CTNNAL1: variants seen among roughly 807,000 people sequenced by gnomAD.
The protein encoded by CTNNAL1 is catenin alpha like 1, also known as alpha-catulin.
Under a neutral mutation model 93.6 loss-of-function variants are expected in CTNNAL1, and 69 were observed. The observed-to-expected ratio is 0.74, with a 90% confidence interval of 0.61 to 0.90. CTNNAL1 has a LOEUF of 0.90. CTNNAL1 is among the 40% of genes least tolerant of loss of function. CTNNAL1 has a pLI of 0.00. For missense variants in CTNNAL1, 836 were observed against 862.0 expected, an observed-to-expected ratio of 0.97 and a Z score of 0.38; for synonymous variants, 286 against 305.4, an observed-to-expected ratio of 0.94 and a Z score of 0.66.
At chr9:108,944,856 C>T (rs1830354925) in intron 15 of CTNNAL1, among the ~76,000 whole-genome samples, 3 of 152,156 alleles carry the variant, frequency 2.0e-5, no homozygotes, top group Non-Finnish European at 4.4e-5. Flanking sequence ...ATTCAAAAGG[C>T]TTAACACCTT....
intron 11 of CTNNAL1, among the ~76,000 whole-genome samples, chr9:108,957,052 T>A (rs575894107): frequency 3.4e-4 from 52 of 151,830 alleles, no homozygotes; most frequent in African/African-American, 1.2e-3. Flanking sequence ...ATTTTGGATA[T>A]TTGGGTTAAA....
At chr9:108,994,207 G>C (rs1404485454) in intron 2 of CTNNAL1, among the ~76,000 whole-genome samples, 2 of 151,996 alleles carry the variant, frequency 1.3e-5, no homozygotes, top group Non-Finnish European at 2.9e-5. Context: ...CTTCAGCCTG[G>C]GTGACAGAGT....
chr9:108,943,848 CGCA>C, intron 16 of CTNNAL1, 32 bp from the exon 17 acceptor site: 1 of 1,606,446 alleles, frequency 6.2e-7, no homozygotes, highest in Non-Finnish European at 8.5e-7. Context: ...TATAACAGCC[CGCA>C]ACAAAACTCC....
At chr9:109,013,190 C>A (rs1315364690) in intron 1 of CTNNAL1, 112 bp downstream of exon 1, 15 of 1,295,794 alleles carry the variant, frequency 1.2e-5, no homozygotes, top group Non-Finnish European at 7.1e-6. Flanking sequence ...CGCCGCAGTG[C>A]CGGCGCGGAA....
intron 12 of CTNNAL1, among the ~76,000 whole-genome samples, chr9:108,953,051 A>G (rs1412547221): frequency 6.6e-6 from 1 of 152,254 alleles, no homozygotes; most frequent in Non-Finnish European, 1.5e-5. Flanking sequence ...ATCCCAAGTT[A>G]TAAAGAGATT....
intron 4 of CTNNAL1, among the ~76,000 whole-genome samples, chr9:108,989,061 C>A (rs994363827): frequency 6.6e-6 from 1 of 152,166 alleles, no homozygotes; most frequent in Non-Finnish European, 1.5e-5. Context: ...AAAATAGATA[C>A]CACTTCAGCC....
intron 14 of CTNNAL1, chr9:108,950,608 G>A (rs1830534532): frequency 1.3e-6 from 2 of 1,549,320 alleles, no homozygotes; most frequent in Non-Finnish European, 1.7e-6. Context: ...CCTTCTATAG[G>A]AAGGAATCTT....
At chr9:108,980,631 C>G (rs1433203017) in intron 6 of CTNNAL1, among the ~76,000 whole-genome samples, 1 of 152,046 alleles carries the variant, frequency 6.6e-6, no homozygotes, top group East Asian at 1.9e-4. Context: ...CCTAGGTAGA[C>G]AGAAACTTGT....
intron 11 of CTNNAL1, among the ~76,000 whole-genome samples, chr9:108,965,000 C>T (rs985417939): frequency 2.6e-5 from 4 of 152,090 alleles, no homozygotes; most frequent in African/African-American, 7.2e-5. Context: ...TCTGGGATTA[C>T]AGGCGCACAT....
At chr9:108,966,005 G>A (rs1025044649) in intron 10 of CTNNAL1, among the ~76,000 whole-genome samples, 1 of 152,082 alleles carries the variant, frequency 6.6e-6, no homozygotes, top group Non-Finnish European at 1.5e-5. Context: ...GATACTGTTT[G>A]GTGTTTGAGA....
At chr9:108,987,566 A>G (rs1368610932) in intron 4 of CTNNAL1, among the ~76,000 whole-genome samples, 1 of 151,484 alleles carries the variant, frequency 6.6e-6, no homozygotes, top group Non-Finnish European at 1.5e-5. Context: ...TTCTGTGAAG[A>G]AAGTCATTGG....
intron 9 of CTNNAL1, 143 bp downstream of exon 9, chr9:108,972,532 A>T: frequency 1.4e-6 from 1 of 715,634 alleles, no homozygotes; most frequent in South Asian, 1.9e-5. Context: ...AACAGAACAG[A>T]TACATGGTAT....
Position 108,970,423 on chromosome 9 carries a change from T to C in CTNNAL1, c.1419A>G (p.Thr473=), listed in dbSNP as rs762879816. The part of the protein sequence containing the change: ...LEITCIHAEE[T]FQVTGQQIIS... The stretch of plus-strand genomic sequence containing the variant: ...ATACCTGTTGGCCAGTCACCTGAAA[T>C]GTCTCCTCTGCATGTATACAGGTTA... The change falls in exon 10 of 19, where the codon ACA becomes ACG. Residue 473 remains threonine, a synonymous_variant. Transcript: ENST00000325551. The C allele has an allele frequency of 6.8e-6, 11 of 1,612,298 alleles. No homozygotes were observed. In the East Asian group the frequency reaches 2.5e-4, roughly 36 times the overall value.
chr9:108,976,990 C>T lies in CTNNAL1; in HGVS notation c.1160G>A (p.Ser387Asn). The change falls in exon 8 of 19, where the codon AGT (serine) becomes AAT (asparagine). Residue 387 changes from serine to asparagine, a missense_variant. By Grantham distance (46) the Ser-to-Asn change is conservative (BLOSUM62 1). Transcript: ENST00000325551. ...TTTCTTAAGTTCATTAAGACTGTGACTGATTTTCAAAATACTGAGTTCCAG... is the reference window on the plus strand; with the variant it reads ...TTTCTTAAGTTCATTAAGACTGTGATTGATTTTCAAAATACTGAGTTCCAG... Reference protein sequence around the residue: ...EELELSILKISHSLNELKKEL... With the variant: ...EELELSILKINHSLNELKKEL... 6.6e-7 allele frequency: 1 copy of T among 1,515,228 alleles called. No individual in the cohort carries two copies. Among genetic ancestry groups the T allele is most frequent in the Non-Finnish European group, 8.8e-7 (1 of 1,131,092 alleles). The allele number at this position is 1,515,228 out of a possible 1,614,324, so 93.9% of individuals were successfully genotyped here. A position where few individuals can be genotyped will look rare whatever the true frequency, so the allele number is the denominator to read the frequency against.
intron 14 of CTNNAL1, chr9:108,950,827 T>A: frequency 2.1e-6 from 1 of 477,330 alleles, no homozygotes; most frequent in Non-Finnish European, 3.6e-6. Flanking sequence ...ATACATTGTG[T>A]CCCTATGAGG....
intron 11 of CTNNAL1, among the ~76,000 whole-genome samples, chr9:108,957,645 C>T (rs1830717456): frequency 6.6e-6 from 1 of 152,140 alleles, no homozygotes; most frequent in Non-Finnish European, 1.5e-5. Flanking sequence ...AGGCTATTTT[C>T]ATGCCTTGGC....
chr9:108,999,016 C>T, intron 2 of CTNNAL1, 51 bp downstream of exon 2: 1 of 1,519,284 alleles, frequency 6.6e-7, no homozygotes, highest in South Asian at 1.4e-5. Flanking sequence ...TTCATCATAA[C>T]CAAAGCAATA....
chr9:108,985,705 T>C (rs371451655), intron 4 of CTNNAL1, among the ~76,000 whole-genome samples: 7 of 152,160 alleles, frequency 4.6e-5, no homozygotes, highest in African/African-American at 1.7e-4. Context: ...AGGTTGCTTA[T>C]AAAATTTCCA....
chr9:108,975,672 C>G (rs1374203523), intron 8 of CTNNAL1, among the ~76,000 whole-genome samples: 1 of 152,126 alleles, frequency 6.6e-6, no homozygotes, highest in Non-Finnish European at 1.5e-5. Context: ...TAATTTTCAA[C>G]TGAGATTATG....
Sources: gnomAD v4.1 joint callset for allele counts (sites outside exome capture counted in the v4.1 genomes callset) on GRCh38, gnomAD v4.1.1 for gene constraint, MANE v1.5 for transcripts, NCBI Gene and HGNC (gene_info 2026-07-23, HGNC 2026-07-21) for gene names.